The following ABHD12B variants were observed in gnomAD, a reference collection of about 807,000 sequenced individuals.
ABHD12B encodes the protein protein ABHD12B.
ABHD12B carries 42 observed loss-of-function variants against 50.4 expected under a neutral mutation model. That is an observed-to-expected ratio of 0.83 (90% CI 0.65 to 1.08). The LOEUF is 1.08. Ranked by LOEUF, ABHD12B falls within the 50% of genes least tolerant of loss-of-function variation. The pLI, the probability that ABHD12B is intolerant of heterozygous loss-of-function variation, is 0.00. For synonymous variants in ABHD12B, 167 were observed against 160.3 expected (o/e 1.04, Z -0.32); for missense variants, 479 against 447.7 (o/e 1.07, Z -0.63).
At chr14:50,884,704 T>TCTTC (rs1478352252) in intron 5 of ABHD12B, among the ~76,000 whole-genome samples, 12 of 252 alleles carry the variant, frequency 0.048, 6 homozygotes, top group Non-Finnish European at 0.077. Flanking sequence ...TATTTCTTCT[T>TCTTC]TTTTTTTTTT....
Position 50,888,208 on chromosome 14 carries a change from C to CTT in ABHD12B, c.701-603_701-602dup, listed in dbSNP as rs11452625. Among the ~76,000 whole-genome samples the CTT allele has an allele frequency of 8.0e-3, 1,137 of 142,204 alleles. 15 individuals are homozygous for CTT. The highest frequency in any genetic ancestry group is 0.012 in the Admixed American group (176 of 14,200). 93.3% of individuals were successfully genotyped at this position (142,204 alleles called of 152,430 possible). ...CTTCCTGTAGTACTTTGCTTTCTTT[C>CTT]TTTTTTTTTTTTTTGTGGCGGAGTC... On this transcript the variant is annotated intron_variant, in intron 8 of 12. Transcript: ENST00000337334.
chr14:50,892,442 C>T, intron 9 of ABHD12B: 4 of 985,316 alleles, frequency 4.1e-6, no homozygotes, highest in Non-Finnish European at 4.8e-6. Flanking sequence ...AAGCAAAGGG[C>T]CTGTTGTTTC....
chr14:50,894,004 C>T (rs959722278), intron 9 of ABHD12B, among the ~76,000 whole-genome samples: 2 of 152,266 alleles, frequency 1.3e-5, no homozygotes, highest in Non-Finnish European at 2.9e-5. Context: ...TGATTATTCA[C>T]TCACGTTTCA....
Position 50,876,186 on chromosome 14 carries a change from C to T in ABHD12B, c.105-1766C>T, listed in dbSNP as rs562214780. ...GGTGCTATTTTAAAGTATTATGAAA[C>T]AATCATTTTCATTTCTTTCTTGCTG... On this transcript the variant is annotated intron_variant, in intron 1 of 12. Transcript: ENST00000337334. Among the ~76,000 whole-genome samples, 4 of 152,294 alleles carry T rather than the reference C, an allele frequency of 2.6e-5. No homozygotes were observed. In the East Asian group the frequency reaches 7.7e-4, roughly 29 times the overall value.
chr14:50,881,759 T>C, intron 5 of ABHD12B, 133 bp downstream of exon 5: 1 of 1,055,784 alleles, frequency 9.5e-7, no homozygotes, highest in East Asian at 2.4e-5. Context: ...TTGTGGTGTC[T>C]GGGGCTCAAA....
At chr14:50,880,939 A>G (rs568721775) in intron 4 of ABHD12B, among the ~76,000 whole-genome samples, 1 of 152,234 alleles carries the variant, frequency 6.6e-6, no homozygotes, top group African/African-American at 2.4e-5. Context: ...TTTCCAGATC[A>G]GAGATTTTTC....
At position 50,904,188 on chromosome 14, in the gene ABHD12B, G is replaced by A. The variant is rs142210572; in HGVS notation, c.1057G>A (p.Val353Met). 132 of 1,614,120 alleles carry A rather than the reference G, an allele frequency of 8.2e-5. No homozygotes were observed. Among genetic ancestry groups the A allele is most frequent in the African/African-American group, 2.7e-4 (20 of 75,064 alleles). The change falls in exon 12 of 13, where the codon GTG becomes ATG. Residue 353 changes from valine (V) to methionine (M), a missense_variant. Coordinates refer to ENST00000337334, the MANE Select transcript of ABHD12B (RefSeq NM_001206673.2). The stretch of plus-strand genomic sequence containing the variant: ...TAAAAGCCCCACACTGTTAATAACC[G>A]TGAGGTAAGAGTTGCTTTGCTAAAT... Reference protein sequence around the residue: ...LCKSPTLLITVRDFLSKQWS With the variant: ...LCKSPTLLITMRDFLSKQWS
chr14:50,901,248 T>C (rs188430787), intron 9 of ABHD12B, among the ~76,000 whole-genome samples: 6 of 152,370 alleles, frequency 3.9e-5, no homozygotes, highest in Admixed American at 6.5e-5. Flanking sequence ...TGGATTTAGC[T>C]AGCATTCTAT....
chr14:50,882,373 C>CTTTTTTTT lies in ABHD12B; in HGVS notation c.486+761_486+768dup, dbSNP rs386381352. On this transcript the variant is annotated intron_variant, in intron 5 of 12. Transcript: ENST00000337334. Reference sequence around the variant, plus strand: ...ATAGGCTAAAGACACAGAATGTCTGCTTTTTTTTTTTTTTTTTTTTTGAGA... The same window carrying CTTTTTTTT: ...ATAGGCTAAAGACACAGAATGTCTGCTTTTTTTTTTTTTTTTTTTTTTTTTTTTTGAGA... Among the ~76,000 whole-genome samples the CTTTTTTTT allele has an allele frequency of 8.4e-4, 69 of 81,828 alleles. 5 individuals carry two copies. Among genetic ancestry groups the CTTTTTTTT allele is most frequent in the African/African-American group, 1.8e-3 (35 of 19,314 alleles). The allele number at this position is 81,828 out of a possible 152,430, so 53.7% of individuals were successfully genotyped here.
chr14:50,882,092 C>T (rs549560795), intron 5 of ABHD12B, among the ~76,000 whole-genome samples: 7 of 151,936 alleles, frequency 4.6e-5, no homozygotes, highest in Admixed American at 1.3e-4. Context: ...CCAACCACCA[C>T]GCCCGGCTAA....
intron 7 of ABHD12B, 127 bp from the exon 8 acceptor site, chr14:50,886,520 G>A (rs1278751736): frequency 1.3e-6 from 1 of 756,224 alleles, no homozygotes; most frequent in Non-Finnish European, 2.2e-6. Flanking sequence ...TAAATAGCGT[G>A]CAAATTTTGT....
At chr14:50,903,233 T>A (rs1362211532) in intron 10 of ABHD12B, among the ~76,000 whole-genome samples, 156 bp from the exon 11 acceptor site, 3 of 152,102 alleles carry the variant, frequency 2.0e-5, no homozygotes, top group Non-Finnish European at 2.9e-5. Context: ...CTATGTGAAA[T>A]TTTTAAATGT....
chr14:50,874,940 A>G (rs1174485463), intron 1 of ABHD12B, among the ~76,000 whole-genome samples: 1 of 152,262 alleles, frequency 6.6e-6, no homozygotes, highest in Non-Finnish European at 1.5e-5. Context: ...GAAGCTACCA[A>G]TAAATGTTGC....
At chr14:50,876,409 T>C (rs952326695) in intron 1 of ABHD12B, among the ~76,000 whole-genome samples, 5 of 152,206 alleles carry the variant, frequency 3.3e-5, no homozygotes, top group Non-Finnish European at 7.3e-5. Flanking sequence ...GGAATTAATT[T>C]TTTTAGAGGT....
chr14:50,881,878 A>G (rs895930618), intron 5 of ABHD12B, among the ~76,000 whole-genome samples: 5 of 152,110 alleles, frequency 3.3e-5, no homozygotes, highest in African/African-American at 1.2e-4. Flanking sequence ...ATGGAGGTGA[A>G]GACATTTTTA....
chr14:50,872,216 G>A lies in ABHD12B; in HGVS notation c.42G>A (p.Pro14=). The A allele has an allele frequency of 5.8e-6, 8 of 1,385,000 alleles. No individual in the cohort carries two copies. The highest frequency in any genetic ancestry group is 1.6e-5 in the South Asian group (1 of 63,706). The allele number at this position is 1,385,000 out of a possible 1,614,324, so 85.8% of individuals were successfully genotyped here. A position where few individuals can be genotyped will look rare whatever the true frequency, so the allele number is the denominator to read the frequency against. ...QDCQAAASPE[P]PGPPARSCVA... ...GCCAGGCGGCCGCATCGCCCGAGCC[G>A]CCCGGGCCCCCAGCCCGTAGCTGCG... The change falls in exon 1 of 13, where the codon CCG becomes CCA. Residue 14 remains proline (P), a synonymous_variant. Coordinates refer to ENST00000337334, the MANE Select transcript of ABHD12B (RefSeq NM_001206673.2).
rs537673905 is a variant in ABHD12B, at chr14:50,904,707, G to GC, written c.*348dup. 5.4e-5 allele frequency: 20 copies of GC among 367,924 alleles called. No individual in the cohort carries two copies. Among genetic ancestry groups the GC allele is most frequent in the Non-Finnish European group, 7.6e-5 (15 of 197,198 alleles). 22.8% of individuals were successfully genotyped at this position (367,924 alleles called of 1,614,324 possible). A position where few individuals can be genotyped will look rare whatever the true frequency, so the allele number is the denominator to read the frequency against. Reference sequence around the variant, plus strand: ...TGCTATGGTCCGAATATCTGGGCCTGCCCCCCCAAATTATGCTGAAACCTA... The same window carrying GC: ...TGCTATGGTCCGAATATCTGGGCCTGCCCCCCCCAAATTATGCTGAAACCTA... On this transcript the variant is annotated 3_prime_UTR_variant, in exon 13 of 13. Coordinates refer to ENST00000337334, the MANE Select transcript of ABHD12B (RefSeq NM_001206673.2).
At chr14:50,895,923 G>C (rs1184412707) in intron 9 of ABHD12B, among the ~76,000 whole-genome samples, 1 of 152,094 alleles carries the variant, frequency 6.6e-6, no homozygotes, top group Non-Finnish European at 1.5e-5. Flanking sequence ...CACCTGCCCA[G>C]TTCCCGTATT....
chr14:50,893,568 A>C (rs1332773058), intron 9 of ABHD12B: 2 of 152,766 alleles, frequency 1.3e-5, no homozygotes, highest in African/African-American at 4.8e-5. Context: ...CATGTTGCTC[A>C]CACAAAGCCT....
Sources: gnomAD v4.1 joint callset for allele counts (sites outside exome capture counted in the v4.1 genomes callset) on GRCh38, gnomAD v4.1.1 for gene constraint, MANE v1.5 for transcripts, NCBI Gene and HGNC (gene_info 2026-07-23, HGNC 2026-07-21) for gene names.